The following VIM variants were observed in gnomAD, a reference collection of about 807,000 sequenced individuals.
VIM encodes the protein vimentin, also known as epididymis secretory sperm binding protein.
Under a neutral mutation model 50.3 loss-of-function variants are expected in VIM, and 18 were observed. The observed-to-expected ratio is 0.36, with a 90% CI of 0.25 to 0.53. The LOEUF (loss-of-function observed/expected upper bound fraction) is 0.53. VIM is among the 20% of genes least tolerant of loss of function. VIM has a pLI of 0.91. For missense variants in VIM, 551 were observed against 614.7 expected, an observed-to-expected ratio of 0.90 and a Z score of 1.10; for synonymous variants, 245 against 248.5, an observed-to-expected ratio of 0.99 and a Z score of 0.13.
chr10:17,230,702 T>A lies in VIM; in HGVS notation c.616T>A (p.Phe206Ile). 6.2e-7 allele frequency: 1 copy of A among 1,614,100 alleles called. No individual in the cohort carries two copies. Among genetic ancestry groups the A allele is most frequent in the Non-Finnish European group, 8.5e-7 (1 of 1,180,012 alleles). The stretch of plus-strand genomic sequence containing the variant: ...GGAAGCCGAAAACACCCTGCAATCT[T>A]TCAGACAGGTTTGTAGACTCTCTTC... ...REEAENTLQS[F>I]RQDVDNASLA... The change falls in exon 3 of 10, where the codon TTC (phenylalanine) becomes ATC (isoleucine). Residue 206 changes from phenylalanine (F) to isoleucine (I), a missense_variant. Phe to Ile is a conservative substitution (Grantham distance 21, BLOSUM62 0). This residue lies in a region of VIM where 394 missense variants were observed against 437.5 expected (regional missense o/e 0.90). Transcript: ENST00000544301.
chr10:17,235,455 CT>C, intron 7 of VIM, 66 bp downstream of exon 7: 5 of 1,536,216 alleles, frequency 3.3e-6, no homozygotes, highest in African/African-American at 2.7e-5. Context: ...TGCCACTGGG[CT>C]CTAAGCAGTG....
chr10:17,230,896 C>A, intron 3 of VIM, 186 bp downstream of exon 3: 1 of 616,810 alleles, frequency 1.6e-6, no homozygotes, highest in Non-Finnish European at 2.8e-6. Context: ...AATAAAACCC[C>A]TTGAGCGATT....
chr10:17,229,930 C>T lies in VIM; in HGVS notation c.508C>T (p.Arg170Cys). Reference protein sequence around the residue: ...QVDQLTNDKARVEVERDNLAE... With the variant: ...QVDQLTNDKACVEVERDNLAE... ...GGACCAGCTAACCAACGACAAAGCC[C>T]GCGTCGAGGTGGAGCGCGACAACCT... Residue 170 changes from arginine to cysteine, a missense_variant, in exon 2 of 10, where the codon CGC becomes TGC. Arg to Cys is a radical substitution (Grantham distance 180, BLOSUM62 -3). This residue lies in a region of VIM where 394 missense variants were observed against 437.5 expected (regional missense o/e 0.90). Coordinates refer to ENST00000544301, the MANE Select transcript of VIM (RefSeq NM_003380.5). 1 of 1,612,958 alleles carries T rather than the reference C, an allele frequency of 6.2e-7. No individual in the cohort carries two copies. The highest frequency in any genetic ancestry group is 8.5e-7 in the Non-Finnish European group (1 of 1,179,836).
At chr10:17,229,000 G>T in intron 1 of VIM, 1 of 213,012 alleles carries the variant, frequency 4.7e-6, no homozygotes, top group Non-Finnish European at 9.4e-6. Flanking sequence ...CCCTCACCGC[G>T]CGACCCCGCC....
Position 17,235,861 on chromosome 10 carries a change from T to C in VIM, c.1245T>C (p.Leu415=). Residue 415 remains leucine (L), a synonymous_variant, in exon 8 of 10, where the codon CTT becomes CTC. Transcript: ENST00000544301. ...EGEESRISLP[L]PNFSSLNLRE... ...CTGTTTATAGGATTTCTCTGCCTCT[T>C]CCAAACTTTTCCTCCCTGAACCTGA... is the stretch of plus-strand genomic sequence containing the variant. 1.2e-6 allele frequency: 2 copies of C among 1,614,038 alleles called. No individual in the cohort carries two copies. The highest frequency in any genetic ancestry group is 1.7e-6 in the Non-Finnish European group (2 of 1,179,938).
intron 8 of VIM, 46 bp from the exon 9 acceptor site, chr10:17,236,248 A>G (rs767913477): frequency 6.9e-7 from 1 of 1,448,132 alleles, no homozygotes; most frequent in South Asian, 1.1e-5. Flanking sequence ...GGTTTTTCCA[A>G]GAAAAAACTC....
chr10:17,234,875 G>A, intron 6 of VIM, 57 bp downstream of exon 6: 1 of 1,611,628 alleles, frequency 6.2e-7, no homozygotes, highest in African/African-American at 1.3e-5. Context: ...TGCTGACTAG[G>A]CTCATGATGA....
rs142504667 is a variant in VIM at position 17,234,304 on chromosome 10, G to C, written c.882+373G>C. ...TAATTTTTGTATTTTTAGTAGAGAT[G>C]GGGTTTCACCATGTTGACCAGGCTT... On this transcript the variant is annotated intron_variant, in intron 5 of 9. Coordinates refer to ENST00000544301, the MANE Select transcript of VIM (RefSeq NM_003380.5). 1.4e-3 allele frequency among the ~76,000 whole-genome samples: 215 copies of C among 152,124 alleles called. 3 individuals carry two copies. The East Asian group carries it at 0.023, about 16-fold the overall frequency.
chr10:17,229,178 G>A, intron 1 of VIM, 98 bp from the exon 2 acceptor site: 1 of 206,108 alleles, frequency 4.9e-6, no homozygotes, highest in South Asian at 3.9e-5. Flanking sequence ...TTCTCGCTAG[G>A]TCCCTATTGG....
intron 3 of VIM, among the ~76,000 whole-genome samples, chr10:17,232,462 T>C (rs891374939): frequency 6.6e-6 from 1 of 152,248 alleles, no homozygotes; most frequent in African/African-American, 2.4e-5. Context: ...AAAAATCCTT[T>C]ATGTAGTTTC....
At position 17,229,467 on chromosome 10, in the gene VIM, C is replaced by T. The variant is rs772407997; in HGVS notation, c.45C>T (p.Phe15=). The change falls in exon 2 of 10, where the codon TTC becomes TTT. Residue 15 remains phenylalanine, a synonymous_variant. Transcript: ENST00000544301. ...SVSSSSYRRM[F]GGPGTASRPS... ...CCTCGTCCTCCTACCGCAGGATGTT[C>T]GGCGGCCCGGGCACCGCGAGCCGGC... 1.0e-5 allele frequency: 16 copies of T among 1,606,644 alleles called. 1 individual carries two copies. The South Asian group carries it at 1.7e-4, about 17-fold the overall frequency.
chr10:17,230,031 G>A (rs567961082), intron 2 of VIM, 46 bp downstream of exon 2: 7 of 1,560,924 alleles, frequency 4.5e-6, no homozygotes, highest in South Asian at 2.3e-5. Context: ...GAGGGGGCTG[G>A]AGGGAGAGGG....
At chr10:17,234,442 C>G (rs951740142) in intron 5 of VIM, among the ~76,000 whole-genome samples, 1 of 152,166 alleles carries the variant, frequency 6.6e-6, no homozygotes, top group African/African-American at 2.4e-5. Context: ...ATAGCAGACT[C>G]TCTTCCCCCT....
In VIM at chr10:17,229,289, T is replaced by C; in HGVS notation, c.-134T>C. On this transcript the variant is annotated 5_prime_UTR_variant, in exon 2 of 10. Transcript: ENST00000544301. Reference sequence around the variant, plus strand: ...GGCGGGGTCCAGTCCTCTGCCACTCTCGCTCCGAGGTCCCCGCGCCAGAGA... The same window carrying C: ...GGCGGGGTCCAGTCCTCTGCCACTCCCGCTCCGAGGTCCCCGCGCCAGAGA... The C allele has an allele frequency of 1.1e-6, 1 of 938,542 alleles. No homozygotes were observed. Among genetic ancestry groups the C allele is most frequent in the Non-Finnish European group, 1.6e-6 (1 of 619,994 alleles). 58.1% of individuals were successfully genotyped at this position (938,542 alleles called of 1,614,324 possible).
Position 17,229,421 on chromosome 10 carries a change from C to G in VIM, c.-2C>G, listed in dbSNP as rs1326037440. On this transcript the variant is annotated 5_prime_UTR_variant, in exon 2 of 10. Coordinates refer to ENST00000544301, the MANE Select transcript of VIM (RefSeq NM_003380.5). ...CCCAGGCCATCGCCACCCTCCGCAG[C>G]CATGTCCACCAGGTCCGTGTCCTCG... 1.9e-6 allele frequency: 3 copies of G among 1,602,592 alleles called. No individual in the cohort carries two copies. The East Asian group carries it at 6.7e-5, about 36-fold the overall frequency.
rs775190116 is a variant in VIM at position 17,229,574 on chromosome 10, G to T, written c.152G>T (p.Ser51Ile). The T allele has an allele frequency of 6.2e-7, 1 of 1,608,170 alleles. No individual in the cohort carries two copies. The highest frequency in any genetic ancestry group is 1.1e-5 in the South Asian group (1 of 90,600). The change falls in exon 2 of 10, where the codon AGC becomes ATC. Residue 51 changes from serine (S) to isoleucine (I), a missense_variant. Coordinates refer to ENST00000544301, the MANE Select transcript of VIM (RefSeq NM_003380.5). ...GCGCTGCGCCCCAGCACCAGCCGCA[G>T]CCTCTACGCCTCGTCCCCGGGCGGC... Reference protein sequence around the residue: ...GSALRPSTSRSLYASSPGGVY... With the variant: ...GSALRPSTSRILYASSPGGVY...
At chr10:17,230,139 T>A in intron 2 of VIM, 154 bp downstream of exon 2, 1 of 988,528 alleles carries the variant, frequency 1.0e-6, no homozygotes, top group Non-Finnish European at 1.4e-6. Flanking sequence ...GCTGTGGCTG[T>A]GGTGGCGCAG....
intron 1 of VIM, chr10:17,228,916 G>A: frequency 6.2e-6 from 1 of 162,148 alleles, no homozygotes; most frequent in Non-Finnish European, 1.3e-5. Context: ...CCCCGAGACC[G>A]CCGCGCACCT....
At position 17,236,506 on chromosome 10, in the gene VIM, A is replaced by G. The variant is rs575340967; in HGVS notation, c.1359+127A>G. The G allele has an allele frequency of 1.1e-5, 9 of 809,170 alleles. No homozygotes were observed. In the Admixed American group the frequency reaches 1.8e-4, roughly 16 times the overall value. 50.1% of individuals were successfully genotyped at this position (809,170 alleles called of 1,614,324 possible). ...GGTTCAGGTTTCATTCATGCCTACT[A>G]AAAAAAGAATAGGCTTCTTCTTCCA... is the stretch of plus-strand genomic sequence containing the variant. On this transcript the variant is annotated intron_variant, in intron 9 of 9. Coordinates refer to ENST00000544301, the MANE Select transcript of VIM (RefSeq NM_003380.5).
Sources: allele counts gnomAD v4.1 joint callset (sites outside exome capture counted in the v4.1 genomes callset), GRCh38; gene constraint gnomAD v4.1.1; regional missense constraint gnomAD v4.1.1; transcripts MANE v1.5; gene names NCBI Gene and HGNC (gene_info 2026-07-23, HGNC 2026-07-21).